Variants in DLC1 observed in about 807,000 individuals in gnomAD.
The protein encoded by DLC1 is DLC1 Rho GTPase activating protein.
DLC1 carries 54 observed loss-of-function variants against 140.3 expected under a neutral mutation model. The observed-to-expected ratio is 0.38, with a 90% CI of 0.31 to 0.48. The LOEUF is 0.48. Among genes scored for constraint, DLC1 ranks in the 20% least tolerant of loss-of-function variants. DLC1 has a pLI of 0.96. For synonymous variants in DLC1, 986 were observed against 728.1 expected (o/e 1.35, Z -5.70); for missense variants, 2,536 against 1,907.0 (o/e 1.33, Z -6.14).
At chr8:13,242,695 C>T (rs1337967947) in intron 5 of DLC1, among the ~76,000 whole-genome samples, 1 of 152,126 alleles carries the variant, frequency 6.6e-6, no homozygotes, top group Non-Finnish European at 1.5e-5. Flanking sequence ...GCCTGGTCTC[C>T]TCAATAGGTT....
At chr8:13,574,755 C>G (rs1307116430) in intron 1 of DLC1, among the ~76,000 whole-genome samples, 1 of 152,050 alleles carries the variant, frequency 6.6e-6, no homozygotes, top group Non-Finnish European at 1.5e-5. Flanking sequence ...GTGGTGATGC[C>G]AGACTGAGAG....
At chr8:13,151,612 G>C (rs546505216) in intron 5 of DLC1, among the ~76,000 whole-genome samples, 3 of 152,322 alleles carry the variant, frequency 2.0e-5, no homozygotes, top group African/African-American at 4.8e-5. Context: ...GAAGAAAAGA[G>C]AAATGATTAA....
chr8:13,482,491 T>G (rs891868078), intron 2 of DLC1, among the ~76,000 whole-genome samples: 9 of 152,220 alleles, frequency 5.9e-5, no homozygotes, highest in African/African-American at 2.2e-4. Flanking sequence ...TGAAATAATT[T>G]AAAGCTTGGA....
rs189199843 is a variant in DLC1 at position 13,435,540 on chromosome 8, C to G, written c.1024-33921G>C. On this transcript the variant is annotated intron_variant, in intron 2 of 17. Coordinates refer to ENST00000276297, the MANE Select transcript of DLC1 (RefSeq NM_182643.3). ...TGTTGGTCAGGCTGGTCTTGAACTC[C>G]TGACCTCAGGTGATCCGCCCGCCTC... 3.1e-3 allele frequency among the ~76,000 whole-genome samples: 474 copies of G among 152,278 alleles called. 2 individuals carry two copies. Among genetic ancestry groups the G allele is most frequent in the African/African-American group, 0.011 (465 of 41,562 alleles).
rs183258288 is a variant in DLC1, at chr8:13,249,604, C to G, written c.1348+55665G>C. 4.6e-5 allele frequency among the ~76,000 whole-genome samples: 7 copies of G among 152,278 alleles called. No homozygotes were observed. In the East Asian group the frequency reaches 1.2e-3, roughly 25 times the overall value. ...TAGTGATTCAACAATTTTCTTATTC[C>G]TTTCTCAGACTTCCAACCTATTTCT... On this transcript the variant is annotated intron_variant, in intron 5 of 17. Transcript: ENST00000276297.
At chr8:13,360,850 C>G (rs1835189675) in intron 4 of DLC1, among the ~76,000 whole-genome samples, 1 of 151,898 alleles carries the variant, frequency 6.6e-6, no homozygotes. Context: ...AATTGTTTTG[C>G]ATGGCTGGGC....
At chr8:13,338,133 G>T (rs1027784736) in intron 4 of DLC1, among the ~76,000 whole-genome samples, 5 of 152,118 alleles carry the variant, frequency 3.3e-5, no homozygotes, top group Non-Finnish European at 7.4e-5. Context: ...CTGCAATTTT[G>T]TCCCCACTTG....
chr8:13,194,585 G>A (rs185049533), intron 5 of DLC1, among the ~76,000 whole-genome samples: 2 of 152,216 alleles, frequency 1.3e-5, no homozygotes, highest in Non-Finnish European at 2.9e-5. Context: ...GCCACGGGCA[G>A]AGGCCAGCAT....
chr8:13,457,408 G>T (rs976230106), intron 2 of DLC1, among the ~76,000 whole-genome samples: 2 of 152,216 alleles, frequency 1.3e-5, no homozygotes, highest in East Asian at 3.9e-4. Flanking sequence ...GCTGGGCACG[G>T]TGGCTCATGC....
intron 1 of DLC1, among the ~76,000 whole-genome samples, chr8:13,545,576 T>G (rs569890419): frequency 6.9e-4 from 105 of 152,198 alleles, no homozygotes; most frequent in Non-Finnish European, 1.3e-3. Context: ...ATTCGTGGTG[T>G]TGTTGAACTC....
intron 5 of DLC1, among the ~76,000 whole-genome samples, chr8:13,268,559 A>C (rs576787494): frequency 1.1e-3 from 171 of 152,238 alleles, no homozygotes; most frequent in African/African-American, 4.0e-3. Context: ...TAATTTTTAA[A>C]TTATTTGTAA....
chr8:13,569,082 G>C (rs1370735748), intron 1 of DLC1, among the ~76,000 whole-genome samples: 8 of 152,184 alleles, frequency 5.3e-5, no homozygotes, highest in Admixed American at 5.2e-4. Context: ...TGAGGAAACA[G>C]TATTATTCCA....
intron 4 of DLC1, among the ~76,000 whole-genome samples, chr8:13,330,852 G>T (rs4492382): frequency 0.3 from 46,321 of 152,058 alleles, 7,943 homozygotes; most frequent in Non-Finnish European, 0.4. Flanking sequence ...TCCTTACAAG[G>T]CTCATTTTCA....
At chr8:13,158,214 G>C (rs553747076) in intron 5 of DLC1, among the ~76,000 whole-genome samples, 94 of 152,326 alleles carry the variant, frequency 6.2e-4, no homozygotes, top group African/African-American at 2.1e-3. Context: ...ATATCATCAA[G>C]AGGGGTTAAT....
chr8:13,106,061 T>G (rs1036606644), intron 7 of DLC1, among the ~76,000 whole-genome samples: 1 of 152,164 alleles, frequency 6.6e-6, no homozygotes, highest in Non-Finnish European at 1.5e-5. Context: ...GTCCCTCTTA[T>G]CTCCTGGGCA....
Position 13,088,604 on chromosome 8 carries a change from C to T in DLC1, c.4175G>A (p.Trp1392Ter). 6.2e-7 allele frequency: 1 copy of T among 1,614,104 alleles called. No homozygotes were observed. The highest frequency in any genetic ancestry group is 8.5e-7 in the Non-Finnish European group (1 of 1,180,038). ...LKRLLKEQHL[W>*]DVDLLDSKVI... ...TTTTGAATCCAACAGGTCTACATCCCAGAGGTGCTGTTCTTTAAGTAGGCG... is the reference window on the plus strand; with the variant it reads ...TTTTGAATCCAACAGGTCTACATCCTAGAGGTGCTGTTCTTTAAGTAGGCG... Residue 1392 changes from tryptophan to a stop codon, truncating the protein, a stop_gained, in exon 16 of 18, where the codon TGG (tryptophan) becomes TAG (stop). Coordinates refer to ENST00000276297, the MANE Select transcript of DLC1 (RefSeq NM_182643.3). LOFTEE classifies it high-confidence loss of function.
intron 4 of DLC1, among the ~76,000 whole-genome samples, chr8:13,366,703 C>T (rs1368069126): frequency 3.3e-5 from 5 of 152,190 alleles, no homozygotes; most frequent in Admixed American, 3.3e-4. Flanking sequence ...CATTTCTCTC[C>T]TTTCGGATGC....
intron 4 of DLC1, among the ~76,000 whole-genome samples, chr8:13,382,010 GC>G (rs1836282280): frequency 6.6e-6 from 1 of 152,104 alleles, no homozygotes; most frequent in African/African-American, 2.4e-5. Context: ...TTTTGAGGGG[GC>G]TTTCAGTGAA....
At chr8:13,408,942 C>T (rs192694859) in intron 2 of DLC1, among the ~76,000 whole-genome samples, 6 of 152,110 alleles carry the variant, frequency 3.9e-5, no homozygotes, top group Non-Finnish European at 8.8e-5. Flanking sequence ...TATGATGATC[C>T]TTCCTTTGCC....
Sources: allele counts gnomAD v4.1 joint callset (sites outside exome capture counted in the v4.1 genomes callset), GRCh38; gene constraint gnomAD v4.1.1; transcripts MANE v1.5; gene names NCBI Gene and HGNC (gene_info 2026-07-23, HGNC 2026-07-21).